Variants in RAP1A observed in about 807,000 individuals in gnomAD.
The protein encoded by RAP1A is RAP1A, member of RAS oncogene family, also known as ras-related protein Rap-1A.
RAP1A carries 6 observed loss-of-function variants against 26.4 expected under a neutral mutation model. The ratio of observed to expected loss-of-function variants is 0.23; its 90% CI spans 0.12 to 0.45. RAP1A has a LOEUF of 0.45. Among genes scored for constraint, RAP1A ranks in the 20% least tolerant of loss-of-function variants. The pLI, the probability that RAP1A is intolerant of heterozygous loss-of-function variation, is 0.99. For synonymous variants in RAP1A, 73 were observed against 79.4 expected, an observed-to-expected ratio of 0.92 and a Z score of 0.43; for missense variants, 121 against 217.2, an observed-to-expected ratio of 0.56 and a Z score of 2.78.
At chr1:111,576,028 A>G (rs58153041) in intron 1 of RAP1A, among the ~76,000 whole-genome samples, 5,938 of 152,330 alleles carry the variant, frequency 0.039, 391 homozygotes, top group African/African-American at 0.14. Flanking sequence ...GAGAAAACTG[A>G]ACCTGCCCTG....
At position 111,713,371 on chromosome 1, in the gene RAP1A, T is replaced by C. The variant is rs1662443230; in HGVS notation, c.*970T>C. On this transcript the variant is annotated 3_prime_UTR_variant, in exon 8 of 8. Transcript: ENST00000369709. ...GTATATTCTCTCTTGATCTTAAAGA[T>C]TGTATCTTATTGAATATCCCACTGT... 6.6e-6 allele frequency: 1 copy of C among 152,206 alleles called. No individual in the cohort carries two copies. Among genetic ancestry groups the C allele is most frequent in the African/African-American group, 2.4e-5 (1 of 41,466 alleles). The allele number at this position is 152,206 out of a possible 1,614,324, so 9.4% of individuals were successfully genotyped here.
chr1:111,655,038 A>G (rs1210465073), intron 1 of RAP1A, among the ~76,000 whole-genome samples: 1 of 152,024 alleles, frequency 6.6e-6, no homozygotes, highest in African/African-American at 2.4e-5. Context: ...GTCTGAAAAA[A>G]TAAATGTGGG....
At chr1:111,709,326 T>G in intron 7 of RAP1A, 62 bp downstream of exon 7, 2 of 1,443,616 alleles carry the variant, frequency 1.4e-6, no homozygotes, top group Non-Finnish European at 1.8e-6. Context: ...TTTTCCAGAC[T>G]TTAGCTACTT....
At chr1:111,648,474 T>TA (rs1660148396) in intron 1 of RAP1A, 1 of 548,992 alleles carries the variant, frequency 1.8e-6, no homozygotes, top group Admixed American at 2.4e-5. Context: ...TTGACCTTGA[T>TA]ATTCAGCAGG....
intron 1 of RAP1A, among the ~76,000 whole-genome samples, chr1:111,571,802 A>T: frequency 6.6e-6 from 1 of 152,326 alleles, no homozygotes; most frequent in East Asian, 1.9e-4. Context: ...CCCCAACTCC[A>T]TACATAACCT....
chr1:111,669,645 C>G (rs1188051995), intron 1 of RAP1A, among the ~76,000 whole-genome samples: 1 of 152,146 alleles, frequency 6.6e-6, no homozygotes, highest in East Asian at 1.9e-4. Context: ...TTAACAGCAG[C>G]CAGTGTCTAC....
intron 1 of RAP1A, among the ~76,000 whole-genome samples, chr1:111,662,790 C>T (rs938938476): frequency 6.6e-5 from 10 of 152,082 alleles, no homozygotes; most frequent in Admixed American, 2.6e-4. Context: ...GTATCTTAGT[C>T]CAGCTTTGTT....
At chr1:111,649,448 G>A in intron 1 of RAP1A, 1 of 350,142 alleles carries the variant, frequency 2.9e-6, no homozygotes, top group Non-Finnish European at 5.6e-6. Context: ...AGAGCCCCCA[G>A]CACCTGGATA....
rs1448318784 is a variant in RAP1A, at chr1:111,704,336, C to T, written c.325-7C>T. On this transcript the variant is annotated splice_region_variant and splice_polypyrimidine_tract_variant and intron_variant, in intron 5 of 7. Transcript: ENST00000369709. Reference sequence around the variant, plus strand: ...ATTGTTCATTTTACGTTTTTTTCTTCCCACAGGTTCCAATGATTTTGGTTG... The same window carrying T: ...ATTGTTCATTTTACGTTTTTTTCTTTCCACAGGTTCCAATGATTTTGGTTG... 1 of 1,610,602 alleles carries T rather than the reference C, an allele frequency of 6.2e-7. No homozygotes were observed. The highest frequency in any genetic ancestry group is 2.2e-5 in the East Asian group (1 of 44,838).
At chr1:111,606,020 G>T (rs1208081780) in intron 1 of RAP1A, among the ~76,000 whole-genome samples, 3 of 152,150 alleles carry the variant, frequency 2.0e-5, no homozygotes, top group African/African-American at 7.2e-5. Context: ...GGGCCCAAAT[G>T]CCTCTGCGCA....
At position 111,607,031 on chromosome 1, in the gene RAP1A, ATTTATTTT is replaced by A. The variant is rs1347070002; in HGVS notation, c.-28+64524_-28+64531del. On this transcript the variant is annotated intron_variant, in intron 1 of 7. Coordinates refer to the RAP1A transcript ENST00000356415. ...TATTTATTTATTTATTTATTTATTT[ATTTATTTT>A]TATTGATTATTCTTGGGTGTTTCTC... 5.8e-3 allele frequency among the ~76,000 whole-genome samples: 858 copies of A among 148,218 alleles called. 3 individuals carry two copies. The highest frequency in any genetic ancestry group is 0.021 in the African/African-American group (790 of 38,422).
At chr1:111,549,149 T>C (rs1657151958) in intron 1 of RAP1A, among the ~76,000 whole-genome samples, 1 of 152,168 alleles carries the variant, frequency 6.6e-6, no homozygotes, top group African/African-American at 2.4e-5. Context: ...CTTTTCCCTG[T>C]TGTCTTTGTC....
intron 7 of RAP1A, among the ~76,000 whole-genome samples, chr1:111,711,217 T>C (rs1038421559): frequency 7.2e-5 from 11 of 152,340 alleles, no homozygotes; most frequent in South Asian, 2.1e-4. Flanking sequence ...TAGGTAAAGG[T>C]GCAAAGATAG....
rs556305060 is a variant in RAP1A at position 111,562,082 on chromosome 1, ACAT to A, written c.-28+19577_-28+19579del. Among the ~76,000 whole-genome samples, 100 of 152,202 alleles carry A rather than the reference ACAT, an allele frequency of 6.6e-4. No individual in the cohort carries two copies. In the Middle Eastern group the frequency reaches 0.02, roughly 31 times the overall value. ...AGCCACCCCACCCTGTGATTCAATA[ACAT>A]CATATGTGTCTCCAGGTCTTTGCTT... is the stretch of plus-strand genomic sequence containing the variant. On this transcript the variant is annotated intron_variant, in intron 1 of 7. Coordinates refer to the RAP1A transcript ENST00000356415.
rs560272131 is a variant in RAP1A at position 111,713,039 on chromosome 1, C to G, written c.*638C>G. The G allele has an allele frequency of 1.2e-4, 18 of 152,668 alleles. No homozygotes were observed. The highest frequency in any genetic ancestry group is 4.1e-4 in the African/African-American group (17 of 41,562). The allele number at this position is 152,668 out of a possible 1,614,324, so 9.5% of individuals were successfully genotyped here. A position where few individuals can be genotyped will look rare whatever the true frequency, so the allele number is the denominator to read the frequency against. On this transcript the variant is annotated 3_prime_UTR_variant, in exon 8 of 8. Coordinates refer to ENST00000369709, the MANE Select transcript of RAP1A (RefSeq NM_002884.4). Reference sequence around the variant, plus strand: ...AAATATATAATATACTAAACCAACTCTAATATTGCTTCTTGTGTTTTACTG... The same window carrying G: ...AAATATATAATATACTAAACCAACTGTAATATTGCTTCTTGTGTTTTACTG...
At chr1:111,614,873 A>C, upstream of RAP1A, among the ~76,000 whole-genome samples, 1 of 152,184 alleles carries the variant, frequency 6.6e-6, no homozygotes, top group East Asian at 1.9e-4. Context: ...AATATTTAGT[A>C]ATGAGAATAA....
At chr1:111,701,064 A>G (rs1238016182) in intron 4 of RAP1A, among the ~76,000 whole-genome samples, 1 of 152,196 alleles carries the variant, frequency 6.6e-6, no homozygotes, top group Non-Finnish European at 1.5e-5. Flanking sequence ...TGTAAGTCAG[A>G]TCATGTTTTC....
chr1:111,549,446 C>T (rs1657170567), intron 1 of RAP1A, among the ~76,000 whole-genome samples: 1 of 151,160 alleles, frequency 6.6e-6, no homozygotes, highest in Non-Finnish European at 1.5e-5. Context: ...GTCAGGAGTT[C>T]AAGACCAGCC....
chr1:111,678,457 T>C (rs907003194), intron 1 of RAP1A, among the ~76,000 whole-genome samples: 3 of 152,234 alleles, frequency 2.0e-5, no homozygotes, highest in Non-Finnish European at 4.4e-5. Context: ...TGGGGAGAAA[T>C]GCCTTGTTAG....
Sources: allele counts gnomAD v4.1 joint callset (sites outside exome capture counted in the v4.1 genomes callset), GRCh38; gene constraint gnomAD v4.1.1; transcripts MANE v1.5; gene names NCBI Gene and HGNC (gene_info 2026-07-23, HGNC 2026-07-21).